MPRIP: variants seen among roughly 807,000 people sequenced by gnomAD.
MPRIP encodes the protein myosin phosphatase Rho-interacting protein.
MPRIP carries 59 observed loss-of-function variants against 234.9 expected under a neutral mutation model. That is an observed-to-expected ratio of 0.25 (90% CI 0.20 to 0.31). The LOEUF is 0.31. Ranked by LOEUF, MPRIP falls within the 10% of genes least tolerant of loss-of-function variation. The probability of loss-of-function intolerance (pLI) is 1.00; values close to 1 mark genes in which losing one functional copy is unlikely to be tolerated. For missense variants in MPRIP, 2,436 were observed against 3,071.0 expected (o/e 0.79, Z 4.89); for synonymous variants, 1,144 against 1,263.9 (o/e 0.91, Z 2.01).
In MPRIP at chr17:17,166,582, A is replaced by G. The variant is rs780049243; in HGVS notation, c.4991A>G (p.Asn1664Ser). 1.8e-5 allele frequency: 24 copies of G among 1,304,072 alleles called. No homozygotes were observed. Among genetic ancestry groups the G allele is most frequent in the East Asian group, 5.5e-5 (1 of 18,034 alleles). 80.8% of individuals were successfully genotyped at this position (1,304,072 alleles called of 1,614,324 possible). ...IPQGLAPILA[N>S]ATWVRAELSF... is the part of the protein sequence containing the mutation. ...CAGGGCCTGGCCCCCATCCTGGCCAATGCCACATGGGTCAGGGCAGAGCTC... is the reference window on the plus strand; with the variant it reads ...CAGGGCCTGGCCCCCATCCTGGCCAGTGCCACATGGGTCAGGGCAGAGCTC... Residue 1664 changes from asparagine to serine, a missense_variant, in exon 16 of 24, where the codon AAT (asparagine) becomes AGT (serine). Around this residue, in one of 4 missense-constraint regions of MPRIP, gnomAD observed 1,998 missense variants for 2,520.3 expected, o/e 0.79. Transcript: ENST00000651222. The surrounding 1 kb of genome is among the most constrained non-coding windows in gnomAD (Gnocchi z 4.4).
intron 3 of MPRIP, among the ~76,000 whole-genome samples, chr17:17,120,685 C>T (rs867815665): frequency 1.4e-5 from 2 of 146,740 alleles, no homozygotes; most frequent in African/African-American, 5.3e-5. Context: ...TACAGAGGGC[C>T]GTCTCTTTTT....
At chr17:17,140,842 C>A (rs1354011630) in intron 7 of MPRIP, among the ~76,000 whole-genome samples, 1 of 152,210 alleles carries the variant, frequency 6.6e-6, no homozygotes, top group Non-Finnish European at 1.5e-5. Flanking sequence ...TAGCCCTAAC[C>A]CCCCTGCCCT....
intron 1 of MPRIP, among the ~76,000 whole-genome samples, chr17:17,043,835 G>A (rs2143792296): frequency 6.6e-6 from 1 of 152,220 alleles, no homozygotes; most frequent in Non-Finnish European, 1.5e-5. Context: ...ACCTCCTTGG[G>A]ATGTGCCTCG....
chr17:17,115,400 G>GA (rs1267423845), intron 3 of MPRIP, among the ~76,000 whole-genome samples: 1 of 152,252 alleles, frequency 6.6e-6, no homozygotes, highest in Non-Finnish European at 1.5e-5. Flanking sequence ...ACGTTAGGGA[G>GA]AGGTGGGGTG....
chr17:17,156,505 G>A (rs1468730713), intron 13 of MPRIP, among the ~76,000 whole-genome samples: 1 of 152,326 alleles, frequency 6.6e-6, no homozygotes. Context: ...ATCTCAAGGA[G>A]GCATGAAAAC....
intron 4 of MPRIP, among the ~76,000 whole-genome samples, chr17:17,127,237 C>G (rs1004394779): frequency 6.6e-6 from 1 of 152,228 alleles, no homozygotes; most frequent in African/African-American, 2.4e-5. Flanking sequence ...TGCTGGGCTC[C>G]ACCACCTATG....
chr17:17,104,817 C>T (rs891587891), intron 3 of MPRIP, among the ~76,000 whole-genome samples: 10 of 152,190 alleles, frequency 6.6e-5, no homozygotes, highest in Non-Finnish European at 1.3e-4. Flanking sequence ...GCCTGTGGCT[C>T]AGTGGTATGG....
At chr17:17,180,714 A>T (rs2046356776) in intron 23 of MPRIP, 1 of 1,528,544 alleles carries the variant, frequency 6.5e-7, no homozygotes. Context: ...TCACACCCCC[A>T]TGGCAAACGC....
intron 3 of MPRIP, among the ~76,000 whole-genome samples, chr17:17,091,628 G>A (rs1171740883): frequency 6.6e-6 from 1 of 152,194 alleles, no homozygotes; most frequent in African/African-American, 2.4e-5. Flanking sequence ...CTTTTCCAGT[G>A]CCCTTTTCAC....
At position 17,158,435 on chromosome 17, in the gene MPRIP, G is replaced by A. The variant is rs763063065; in HGVS notation, c.1833G>A (p.Ser611=). The A allele has an allele frequency of 1.2e-4, 181 of 1,559,508 alleles. No individual in the cohort carries two copies. The highest frequency in any genetic ancestry group is 1.4e-4 in the Non-Finnish European group (166 of 1,152,812). Residue 611 remains serine, a synonymous_variant, in exon 14 of 24, where the codon TCG becomes TCA. Coordinates refer to ENST00000651222, the MANE Select transcript of MPRIP (RefSeq NM_001364716.4). The part of the protein sequence containing the change: ...HPTTAPDVTS[S]LPEEKNKSSC... ...TGTCCATCCTCCTGCCCCACAGCTCGTTGCCAGAGGAAAAAAACAAGAGCA... is the reference window on the plus strand; with the variant it reads ...TGTCCATCCTCCTGCCCCACAGCTCATTGCCAGAGGAAAAAAACAAGAGCA...
chr17:17,131,402 C>G (rs1409708413), intron 4 of MPRIP, among the ~76,000 whole-genome samples: 1 of 152,238 alleles, frequency 6.6e-6, no homozygotes, highest in Non-Finnish European at 1.5e-5. Flanking sequence ...CCAGGCCTCT[C>G]TGCCAGCACG....
intron 3 of MPRIP, among the ~76,000 whole-genome samples, chr17:17,110,628 C>G (rs554198228): frequency 6.6e-6 from 1 of 152,130 alleles, no homozygotes; most frequent in Non-Finnish European, 1.5e-5. Flanking sequence ...CACTTAAGGT[C>G]ATCATCAACA....
chr17:17,137,834 C>G, intron 6 of MPRIP, 82 bp from the exon 7 acceptor site: 1 of 1,346,138 alleles, frequency 7.4e-7, no homozygotes, highest in Non-Finnish European at 1.0e-6. Flanking sequence ...TTGGATCCTA[C>G]ATGGGCTTTA....
chr17:17,077,582 C>G (rs1319454228), intron 2 of MPRIP: 1 of 156,796 alleles, frequency 6.4e-6, no homozygotes, highest in Non-Finnish European at 1.4e-5. Context: ...CAGGTTTTTT[C>G]AGAAGTGGTG....
chr17:17,183,563 A>C (rs2046416223), intron 23 of MPRIP, among the ~76,000 whole-genome samples: 1 of 152,222 alleles, frequency 6.6e-6, no homozygotes, highest in Non-Finnish European at 1.5e-5. Context: ...CTGTATTTAA[A>C]AATCACATTG....
intron 19 of MPRIP, among the ~76,000 whole-genome samples, 174 bp downstream of exon 19, chr17:17,174,249 C>T (rs751192179): frequency 4.6e-5 from 7 of 152,254 alleles, no homozygotes; most frequent in African/African-American, 1.2e-4. Flanking sequence ...TGCCACCCAG[C>T]GTGGCCATCT....
rs753724828 is a variant in MPRIP, at chr17:17,136,221, G to T, written c.507G>T (p.Glu169Asp). The T allele has an allele frequency of 1.9e-6, 3 of 1,613,438 alleles. No homozygotes were observed. The highest frequency in any genetic ancestry group is 1.7e-6 in the Non-Finnish European group (2 of 1,179,952). The change falls in exon 6 of 24, where the codon GAG becomes GAT. Residue 169 changes from glutamate (E) to aspartate (D), a missense_variant and splice_region_variant. Transcript: ENST00000651222. ...KRKVEPPTPQEPGPAKVAVTS... is the reference protein window; with the variant it reads ...KRKVEPPTPQDPGPAKVAVTS... Reference sequence around the variant, plus strand: ...GACACCACTTTCTCCTCCTCCAGGAGCCTGGGCCTGCCAAGGTGGCTGTTA... The same window carrying T: ...GACACCACTTTCTCCTCCTCCAGGATCCTGGGCCTGCCAAGGTGGCTGTTA...
intron 14 of MPRIP, 116 bp from the exon 15 acceptor site, chr17:17,161,124 G>T: frequency 1.6e-6 from 1 of 635,526 alleles, no homozygotes; most frequent in South Asian, 2.4e-5. Flanking sequence ...CTGCTGAAAT[G>T]TGGAGACTCC....
In MPRIP at chr17:17,173,958, G is replaced by A. The variant is rs768205521; in HGVS notation, c.6633G>A (p.Ser2211=). 8.7e-6 allele frequency: 14 copies of A among 1,613,532 alleles called. No individual in the cohort carries two copies. Among genetic ancestry groups the A allele is most frequent in the Non-Finnish European group, 1.1e-5 (13 of 1,180,016 alleles). Residue 2211 remains serine (S), a synonymous_variant, in exon 19 of 24, where the codon TCG becomes TCA. Transcript: ENST00000651222. ...QSVQRELEVL[S]EQYSQKCLEN... Reference sequence around the variant, plus strand: ...TGCAGCGGGAACTGGAGGTCCTCTCGGAGCAGTACTCGCAGAAGTGCCTGG... The same window carrying A: ...TGCAGCGGGAACTGGAGGTCCTCTCAGAGCAGTACTCGCAGAAGTGCCTGG...
Sources: gnomAD v4.1 joint callset for allele counts (sites outside exome capture counted in the v4.1 genomes callset) on GRCh38, gnomAD v4.1.1 for gene constraint, gnomAD v4.1.1 regional missense constraint, Gnocchi (gnomAD v3.1) non-coding constraint, MANE v1.5 for transcripts, NCBI Gene and HGNC (gene_info 2026-07-23, HGNC 2026-07-21) for gene names.